Variants in RPH3A observed in about 807,000 individuals in gnomAD.
RPH3A encodes the protein rabphilin-3A.
A neutral mutation model predicts 102.2 loss-of-function variants in RPH3A; 48 were observed. That is an observed-to-expected ratio of 0.47 (90% CI 0.37 to 0.60). The LOEUF (loss-of-function observed/expected upper bound fraction) is 0.60, where lower values mean the gene tolerates loss of function less well. Among genes scored for constraint, RPH3A ranks in the 20% least tolerant of loss-of-function variants. The pLI is 0.00. For synonymous variants in RPH3A, 310 were observed against 324.3 expected (o/e 0.96, Z 0.47); for missense variants, 781 against 910.1 (o/e 0.86, Z 1.83).
chr12:112,582,614 CTT>C (rs1263270263), intron 1 of RPH3A, among the ~76,000 whole-genome samples: 13 of 116,338 alleles, frequency 1.1e-4, no homozygotes, highest in Non-Finnish European at 1.2e-4. Flanking sequence ...GTCCAGCTAG[CTT>C]TTTTTTTTTT....
intron 1 of RPH3A, among the ~76,000 whole-genome samples, chr12:112,775,959 TTGAC>T (rs1435161574): frequency 2.0e-5 from 3 of 151,902 alleles, no homozygotes; most frequent in Non-Finnish European, 4.4e-5. Context: ...TTATGTTAAA[TTGAC>T]TGAGTAGAAG....
At chr12:112,734,429 C>T (rs967364424) in intron 1 of RPH3A, among the ~76,000 whole-genome samples, 1 of 152,170 alleles carries the variant, frequency 6.6e-6, no homozygotes, top group Admixed American at 6.5e-5. Flanking sequence ...CATTACGTGA[C>T]GTGTGACTGT....
chr12:112,577,366 T>C (rs2039367299), intron 1 of RPH3A, among the ~76,000 whole-genome samples: 1 of 152,210 alleles, frequency 6.6e-6, no homozygotes, highest in South Asian at 2.1e-4. Flanking sequence ...AACTTCCTGA[T>C]GTTGCCATGG....
chr12:112,778,130 A>G (rs2040981323), intron 1 of RPH3A, among the ~76,000 whole-genome samples: 3 of 152,224 alleles, frequency 2.0e-5, no homozygotes, highest in Admixed American at 6.5e-5. Context: ...CCCCAAACAC[A>G]AGAAGAGCCA....
At position 112,894,625 on chromosome 12, in the gene RPH3A, T is replaced by C. The variant is rs779928102; in HGVS notation, c.1823T>C (p.Ile608Thr). 6.2e-7 allele frequency: 1 copy of C among 1,613,896 alleles called. No homozygotes were observed. ...AAGAAGGCCAAACACAAGACTCAAA[T>C]TAAAAAGAAAACCTTGAATCCCGAA... is the stretch of plus-strand genomic sequence containing the variant. ...MGKKAKHKTQIKKKTLNPEFN... is the reference protein window; with the variant it reads ...MGKKAKHKTQTKKKTLNPEFN... The change falls in exon 20 of 22, where the codon ATT becomes ACT. Residue 608 changes from isoleucine (I) to threonine (T), a missense_variant. Physicochemically the swap from Ile to Thr is moderately conservative, Grantham distance 89. Transcript: ENST00000389385.
At chr12:112,618,595 T>C (rs1468232307) in intron 1 of RPH3A, among the ~76,000 whole-genome samples, 2 of 152,230 alleles carry the variant, frequency 1.3e-5, no homozygotes, top group Non-Finnish European at 1.5e-5. Flanking sequence ...TCTTGTAACG[T>C]AGAGACTCAT....
At chr12:112,729,630 T>C (rs1010740236) in intron 1 of RPH3A, among the ~76,000 whole-genome samples, 2 of 152,246 alleles carry the variant, frequency 1.3e-5, no homozygotes, top group Admixed American at 6.5e-5. Flanking sequence ...TATTGACTAG[T>C]TGCTTTAATA....
chr12:112,608,755 C>A (rs1250781265), intron 1 of RPH3A, among the ~76,000 whole-genome samples: 1 of 152,120 alleles, frequency 6.6e-6, no homozygotes, highest in Non-Finnish European at 1.5e-5. Context: ...GTGTTTTGGA[C>A]CAAGCCTTCA....
intron 1 of RPH3A, among the ~76,000 whole-genome samples, chr12:112,590,636 T>C (rs570158196): frequency 1.3e-5 from 2 of 152,322 alleles, no homozygotes; most frequent in East Asian, 3.9e-4. Flanking sequence ...CTGGATGAAT[T>C]TGAATGGCAG....
At chr12:112,583,177 C>T (rs2039412630) in intron 1 of RPH3A, among the ~76,000 whole-genome samples, 1 of 152,180 alleles carries the variant, frequency 6.6e-6, no homozygotes. Context: ...TCATTGAGTT[C>T]TTTTGTCTGC....
At chr12:112,632,410 T>C (rs2135986653) in intron 1 of RPH3A, among the ~76,000 whole-genome samples, 1 of 152,272 alleles carries the variant, frequency 6.6e-6, no homozygotes, top group Non-Finnish European at 1.5e-5. Flanking sequence ...GTCCATTGCA[T>C]GCGTTATTCA....
At chr12:112,883,139 C>A (rs1008255066) in intron 15 of RPH3A, among the ~76,000 whole-genome samples, 154 bp from the exon 16 acceptor site, 1 of 152,140 alleles carries the variant, frequency 6.6e-6, no homozygotes, top group African/African-American at 2.4e-5. Flanking sequence ...GGACATCCCC[C>A]ACTCCCTGAG....
At chr12:112,732,701 G>T (rs532327580) in intron 1 of RPH3A, among the ~76,000 whole-genome samples, 2 of 152,158 alleles carry the variant, frequency 1.3e-5, no homozygotes, top group Non-Finnish European at 2.9e-5. Context: ...AATGGCCCTC[G>T]AGAGGTGTCC....
intron 1 of RPH3A, among the ~76,000 whole-genome samples, chr12:112,603,934 G>T (rs2039576431): frequency 6.6e-6 from 1 of 152,150 alleles, no homozygotes; most frequent in South Asian, 2.1e-4. Flanking sequence ...TTGGTTTGTT[G>T]GTTGTGGAAG....
At chr12:112,813,385 G>A (rs755850496) in intron 2 of RPH3A, 1 of 152,220 alleles carries the variant, frequency 6.6e-6, no homozygotes, top group Non-Finnish European at 1.5e-5. Context: ...TACTGGCCAA[G>A]GTTTTATTTT....
At chr12:112,753,001 A>G (rs1285993141) in intron 1 of RPH3A, among the ~76,000 whole-genome samples, 1 of 140,572 alleles carries the variant, frequency 7.1e-6, no homozygotes, top group Non-Finnish European at 1.5e-5. Flanking sequence ...TGTTGTAAAC[A>G]GTGCAGTGAA....
At chr12:112,592,855 A>G (rs950840813) in intron 1 of RPH3A, among the ~76,000 whole-genome samples, 6 of 152,206 alleles carry the variant, frequency 3.9e-5, no homozygotes, top group Non-Finnish European at 8.8e-5. Flanking sequence ...GGCTATGAGC[A>G]GAAGGGGCAT....
chr12:112,892,662 G>C (rs1336976450), intron 19 of RPH3A, among the ~76,000 whole-genome samples: 3 of 152,174 alleles, frequency 2.0e-5, no homozygotes, highest in Admixed American at 2.0e-4. Flanking sequence ...TTTACCCCCT[G>C]CAACTGGAGA....
chr12:112,788,555 G>A (rs189282785), upstream of RPH3A, among the ~76,000 whole-genome samples: 486 of 152,332 alleles, frequency 3.2e-3, 2 homozygotes, highest in African/African-American at 0.01. Flanking sequence ...GTCTGCAAAT[G>A]GGGCAGTAAT....
Sources: gnomAD v4.1 joint callset for allele counts (sites outside exome capture counted in the v4.1 genomes callset) on GRCh38, gnomAD v4.1.1 for gene constraint, MANE v1.5 for transcripts, NCBI Gene and HGNC (gene_info 2026-07-23, HGNC 2026-07-21) for gene names.